DPH6: variants seen among roughly 807,000 people sequenced by gnomAD.
The protein encoded by DPH6 is diphthamine biosynthesis 6, also known as diphthine--ammonia ligase.
In DPH6, 33 loss-of-function variants were observed where a neutral mutation model predicts 38.2. That is an observed-to-expected ratio of 0.86 (90% CI 0.65 to 1.15). DPH6 has a LOEUF of 1.15. DPH6 is among the 50% of genes most tolerant of loss of function. The probability of loss-of-function intolerance (pLI) is 0.00; values close to 1 mark genes in which losing one functional copy is unlikely to be tolerated. For missense variants in DPH6, 325 were observed against 320.0 expected (o/e 1.02, Z -0.12); for synonymous variants, 108 against 103.0 (o/e 1.05, Z -0.30).
intron 5 of DPH6, among the ~76,000 whole-genome samples, chr15:35,424,681 C>A (rs1026054496): frequency 1.8e-4 from 27 of 151,494 alleles, no homozygotes; most frequent in African/African-American, 6.3e-4. Context: ...TACTTCTGGG[C>A]AAGATGGTTA....
At chr15:35,518,873 T>C (rs543690915) in intron 3 of DPH6, 80 of 152,086 alleles carry the variant, frequency 5.3e-4, no homozygotes, top group Middle Eastern at 3.4e-3. Flanking sequence ...TTATCTCTAA[T>C]ACCTCACAAA....
chr15:35,543,300 A>G (rs1431993862), intron 1 of DPH6, among the ~76,000 whole-genome samples: 1 of 116,268 alleles, frequency 8.6e-6, no homozygotes, highest in Admixed American at 9.4e-5. Context: ...ATATATATAT[A>G]TATGATGGCA....
Position 35,382,217 on chromosome 15 carries a change from C to T in DPH6, c.568-301G>A, listed in dbSNP as rs551373647. ...TTGGGAGGCCGAGGCGGGCGGATCACAAGGTCAGGAGATCGAGACCATCCT... is the reference window on the plus strand; with the variant it reads ...TTGGGAGGCCGAGGCGGGCGGATCATAAGGTCAGGAGATCGAGACCATCCT... On this transcript the variant is annotated intron_variant, in intron 6 of 8. Transcript: ENST00000256538. Among the ~76,000 whole-genome samples, 26 of 152,180 alleles carry T rather than the reference C, an allele frequency of 1.7e-4. 2 individuals are homozygous for T. The South Asian group carries it at 5.4e-3, about 32-fold the overall frequency.
At chr15:35,297,878 T>C (rs559149106) in intron 3 of DPH6, among the ~76,000 whole-genome samples, 1 of 152,228 alleles carries the variant, frequency 6.6e-6, no homozygotes, top group East Asian at 1.9e-4. Context: ...GACTACCATT[T>C]ATTTGGTGGC....
In DPH6 at chr15:35,468,793, C is replaced by T. The variant is rs536019477; in HGVS notation, c.313-13973G>A. Among the ~76,000 whole-genome samples the T allele has an allele frequency of 3.4e-4, 52 of 152,042 alleles. 1 individual carries two copies. Among genetic ancestry groups the T allele is most frequent in the South Asian group, 2.1e-3 (10 of 4,800 alleles). On this transcript the variant is annotated intron_variant, in intron 3 of 8. Coordinates refer to ENST00000256538, the MANE Select transcript of DPH6 (RefSeq NM_080650.4). ...ACTAAAAGGCCAGGCAGAGGCTGGGCGCGGTGGCTCATGCCAGTAATCCCA... is the reference window on the plus strand; with the variant it reads ...ACTAAAAGGCCAGGCAGAGGCTGGGTGCGGTGGCTCATGCCAGTAATCCCA...
At chr15:35,341,788 G>A (rs990540192) in intron 3 of DPH6, among the ~76,000 whole-genome samples, 4 of 152,192 alleles carry the variant, frequency 2.6e-5, no homozygotes, top group African/African-American at 9.7e-5. Flanking sequence ...TTCCAAACAC[G>A]CTTGTAGGAG....
At chr15:35,447,995 GATCA>G (rs1566913355) in intron 5 of DPH6, among the ~76,000 whole-genome samples, 1 of 152,050 alleles carries the variant, frequency 6.6e-6, no homozygotes, top group East Asian at 1.9e-4. Flanking sequence ...TTTTTCTAGT[GATCA>G]ATTTAGTTAC....
At chr15:35,405,440 G>A (rs1022923720) in intron 6 of DPH6, among the ~76,000 whole-genome samples, 5 of 151,712 alleles carry the variant, frequency 3.3e-5, no homozygotes, top group Admixed American at 3.3e-4. Context: ...GTCAATTCCT[G>A]GGTATTTAAT....
At chr15:35,247,295 C>T (rs1333682689) in intron 3 of DPH6, among the ~76,000 whole-genome samples, 1 of 152,156 alleles carries the variant, frequency 6.6e-6, no homozygotes, top group Non-Finnish European at 1.5e-5. Context: ...TCTCTTACTG[C>T]CACAGCACAT....
intron 3 of DPH6, among the ~76,000 whole-genome samples, chr15:35,469,860 G>A (rs1390036441): frequency 6.6e-6 from 1 of 152,130 alleles, no homozygotes; most frequent in African/African-American, 2.4e-5. Flanking sequence ...GAAGCCCCGA[G>A]AACATACATT....
intron 7 of DPH6, among the ~76,000 whole-genome samples, chr15:35,378,458 G>A (rs1224575732): frequency 6.6e-6 from 1 of 152,062 alleles, no homozygotes; most frequent in Non-Finnish European, 1.5e-5. Context: ...ACCATTTGAC[G>A]CAGCAATCCC....
chr15:35,166,953 T>C, the DPH6 span, among the ~76,000 whole-genome samples: 1 of 151,982 alleles, frequency 6.6e-6, no homozygotes, highest in Non-Finnish European at 1.5e-5. Flanking sequence ...AGGAAGGCTC[T>C]GATTAAAGAA....
intron 6 of DPH6, among the ~76,000 whole-genome samples, chr15:35,390,534 T>A (rs2053039637): frequency 1.3e-5 from 2 of 152,288 alleles, no homozygotes; most frequent in East Asian, 1.9e-4. Context: ...GGAGGCTTTG[T>A]TCATTTCTTT....
At chr15:35,445,476 T>C (rs563342970) in intron 5 of DPH6, among the ~76,000 whole-genome samples, 23 of 149,902 alleles carry the variant, frequency 1.5e-4, no homozygotes, top group Non-Finnish European at 3.0e-4. Context: ...TGGATCCACT[T>C]ATATATGGAT....
At chr15:35,279,048 C>CAAAAAAA (rs71123126) in intron 3 of DPH6, among the ~76,000 whole-genome samples, 4 of 70,680 alleles carry the variant, frequency 5.7e-5, no homozygotes, top group African/African-American at 2.6e-4. Flanking sequence ...GACTCTGTCT[C>CAAAAAAA]AAAAAAAAAA....
At chr15:35,196,321 T>C in the DPH6 span, among the ~76,000 whole-genome samples, 2 of 152,168 alleles carry the variant, frequency 1.3e-5, no homozygotes, top group African/African-American at 4.8e-5. Flanking sequence ...AACTTGTCAT[T>C]TTTTAAATCA....
chr15:35,531,763 C>A (rs1427984502), intron 3 of DPH6, among the ~76,000 whole-genome samples: 2 of 152,158 alleles, frequency 1.3e-5, no homozygotes, highest in African/African-American at 4.8e-5. Flanking sequence ...AGCCACTGTG[C>A]CCAGCCTAAG....
At chr15:35,535,892 GA>G (rs1322947579) in intron 3 of DPH6, among the ~76,000 whole-genome samples, 3 of 151,984 alleles carry the variant, frequency 2.0e-5, no homozygotes, top group East Asian at 3.8e-4. Context: ...CTTCTTTTCA[GA>G]AATTAGTAAA....
chr15:35,281,481 C>T (rs1474069213), intron 3 of DPH6, among the ~76,000 whole-genome samples: 1 of 151,942 alleles, frequency 6.6e-6, no homozygotes, highest in Non-Finnish European at 1.5e-5. Flanking sequence ...AATTTTTTTT[C>T]ATGAAGAAAA....
Sources: allele counts gnomAD v4.1 joint callset (sites outside exome capture counted in the v4.1 genomes callset), GRCh38; gene constraint gnomAD v4.1.1; transcripts MANE v1.5; gene names NCBI Gene and HGNC (gene_info 2026-07-23, HGNC 2026-07-21).